The following RIT2 variants were observed in gnomAD, a reference collection of about 807,000 sequenced individuals.
RIT2 encodes the protein GTP-binding protein Rit2.
Under a neutral mutation model 23.7 loss-of-function variants are expected in RIT2, and 24 were observed. The observed-to-expected ratio is 1.01, with a 90% confidence interval of 0.73 to 1.43. RIT2 has a LOEUF of 1.43. Among genes scored for constraint, RIT2 ranks in the 40% most tolerant of loss-of-function variants. The probability of loss-of-function intolerance (pLI) is 0.00; values close to 1 mark genes in which losing one functional copy is unlikely to be tolerated. For missense variants in RIT2, 236 were observed against 266.9 expected (o/e 0.88, Z 0.81); for synonymous variants, 107 against 91.1 (o/e 1.17, Z -0.99).
At chr18:42,905,742 G>A (rs1223470799) in intron 4 of RIT2, among the ~76,000 whole-genome samples, 2 of 151,756 alleles carry the variant, frequency 1.3e-5, no homozygotes, top group East Asian at 3.9e-4. Flanking sequence ...CAAAGTGCTG[G>A]GATTACAGGC....
At chr18:42,940,041 T>C (rs889378623) in intron 3 of RIT2, among the ~76,000 whole-genome samples, 2 of 151,690 alleles carry the variant, frequency 1.3e-5, no homozygotes, top group African/African-American at 4.8e-5. Flanking sequence ...CCAACACTGG[T>C]GTTTTAATGC....
chr18:42,967,081 T>G lies in RIT2; in HGVS notation c.234+6993A>C, dbSNP rs1910243272. Reference sequence around the variant, plus strand: ...TCAAGGAAAAGCTGAAAATAAATACTCCTAATGTTTAGAATTAGGGAAGAA... The same window carrying G: ...TCAAGGAAAAGCTGAAAATAAATACGCCTAATGTTTAGAATTAGGGAAGAA... On this transcript the variant is annotated intron_variant, in intron 3 of 4. Transcript: ENST00000326695. 2.0e-5 allele frequency among the ~76,000 whole-genome samples: 3 copies of G among 152,126 alleles called. No homozygotes were observed. In the South Asian group the frequency reaches 6.2e-4, roughly 32 times the overall value.
chr18:42,838,548 T>C (rs1906679035), intron 4 of RIT2, among the ~76,000 whole-genome samples: 1 of 141,944 alleles, frequency 7.0e-6, no homozygotes, highest in African/African-American at 2.8e-5. Context: ...GGCTTAAATT[T>C]ATAGTGAGAA....
chr18:43,050,781 G>A (rs1477667921), intron 1 of RIT2, among the ~76,000 whole-genome samples: 1 of 152,088 alleles, frequency 6.6e-6, no homozygotes, highest in Non-Finnish European at 1.5e-5. Context: ...CAAAAGGACA[G>A]GGTTTGAGGA....
chr18:42,884,095 C>T (rs1907961367), intron 4 of RIT2, among the ~76,000 whole-genome samples: 1 of 152,176 alleles, frequency 6.6e-6, no homozygotes, highest in African/African-American at 2.4e-5. Flanking sequence ...AGACGTTCTC[C>T]AGGAGAAAAA....
At chr18:42,913,816 C>A (rs939378937) in intron 4 of RIT2, among the ~76,000 whole-genome samples, 1 of 151,904 alleles carries the variant, frequency 6.6e-6, no homozygotes, top group Non-Finnish European at 1.5e-5. Context: ...TAACAATGTG[C>A]AATTCCTTGT....
At chr18:42,818,812 C>T (rs1196552638) in intron 4 of RIT2, among the ~76,000 whole-genome samples, 2 of 151,922 alleles carry the variant, frequency 1.3e-5, no homozygotes, top group Non-Finnish European at 1.5e-5. Context: ...TGAACAGTGA[C>T]ATAATACAGA....
intron 2 of RIT2, among the ~76,000 whole-genome samples, chr18:43,022,597 A>C (rs2144267358): frequency 6.6e-6 from 1 of 152,166 alleles, no homozygotes; most frequent in African/African-American, 2.4e-5. Context: ...TGCATCAATA[A>C]AATATTTCTA....
chr18:43,035,977 A>C (rs1293255027), intron 1 of RIT2, among the ~76,000 whole-genome samples: 1 of 152,186 alleles, frequency 6.6e-6, no homozygotes, highest in Admixed American at 6.5e-5. Flanking sequence ...TTCTATTCAC[A>C]CATTTAAACC....
chr18:43,018,170 C>T (rs1045670654), intron 2 of RIT2, among the ~76,000 whole-genome samples: 5 of 152,016 alleles, frequency 3.3e-5, no homozygotes, highest in African/African-American at 4.8e-5. Context: ...CTTTCCCTCA[C>T]ACTGCCCCTA....
At chr18:43,007,182 C>A (rs1373065689) in intron 2 of RIT2, among the ~76,000 whole-genome samples, 1 of 151,558 alleles carries the variant, frequency 6.6e-6, no homozygotes, top group Admixed American at 6.6e-5. Flanking sequence ...TCAGATGACT[C>A]ACATAACTGA....
intron 1 of RIT2, among the ~76,000 whole-genome samples, chr18:43,082,457 G>A (rs952595799): frequency 1.3e-5 from 2 of 152,070 alleles, no homozygotes; most frequent in African/African-American, 2.4e-5. Context: ...TATCCCTGAT[G>A]AACATCGATG....
intron 4 of RIT2, among the ~76,000 whole-genome samples, chr18:42,875,330 C>CA (rs1907718099): frequency 7.3e-6 from 1 of 137,788 alleles, no homozygotes; most frequent in East Asian, 2.1e-4. Context: ...TTCTCTCTCT[C>CA]TTTTTTTTTT....
chr18:42,888,636 A>G (rs758330093), intron 4 of RIT2, among the ~76,000 whole-genome samples: 2 of 152,106 alleles, frequency 1.3e-5, no homozygotes, highest in Non-Finnish European at 2.9e-5. Context: ...AGTATTCACA[A>G]TAGCAAAGAC....
At chr18:42,883,487 G>T (rs2144082721) in intron 4 of RIT2, among the ~76,000 whole-genome samples, 1 of 152,244 alleles carries the variant, frequency 6.6e-6, no homozygotes, top group Admixed American at 6.5e-5. Context: ...ACAGATTTCA[G>T]ATAGCACTTT....
chr18:42,759,479 C>G (rs1463765428), intron 4 of RIT2, among the ~76,000 whole-genome samples: 1 of 151,990 alleles, frequency 6.6e-6, no homozygotes, highest in Non-Finnish European at 1.5e-5. Context: ...TACCCTGTCT[C>G]TTTGTCTAGA....
At chr18:42,990,848 G>A (rs1424282148) in intron 2 of RIT2, among the ~76,000 whole-genome samples, 4 of 151,102 alleles carry the variant, frequency 2.6e-5, no homozygotes, top group African/African-American at 9.7e-5. Flanking sequence ...ATAGGAGGGG[G>A]TTGGGAGATT....
intron 4 of RIT2, among the ~76,000 whole-genome samples, chr18:42,815,778 G>C (rs1031516138): frequency 6.6e-6 from 1 of 152,090 alleles, no homozygotes; most frequent in Non-Finnish European, 1.5e-5. Context: ...CAGGGTATCC[G>C]AGGCAATCAG....
intron 2 of RIT2, among the ~76,000 whole-genome samples, chr18:42,981,856 G>C (rs1271497773): frequency 6.6e-6 from 1 of 152,040 alleles, no homozygotes; most frequent in Non-Finnish European, 1.5e-5. Flanking sequence ...ACAGCTATGA[G>C]AAGATAAACT....
Sources: gnomAD v4.1 joint callset for allele counts (sites outside exome capture counted in the v4.1 genomes callset) on GRCh38, gnomAD v4.1.1 for gene constraint, MANE v1.5 for transcripts, NCBI Gene and HGNC (gene_info 2026-07-23, HGNC 2026-07-21) for gene names.